The following FGD6 variants were observed in gnomAD, a reference collection of about 807,000 sequenced individuals.
The protein encoded by FGD6 is FYVE, RhoGEF and PH domain containing 6.
FGD6 carries 90 observed loss-of-function variants against 149.4 expected under a neutral mutation model. That is an observed-to-expected ratio of 0.60 (90% CI 0.51 to 0.72). The LOEUF is 0.72. FGD6 is among the 30% of genes least tolerant of loss of function. The probability of loss-of-function intolerance (pLI) is 0.00; values close to 1 mark genes in which losing one functional copy is unlikely to be tolerated. For synonymous variants in FGD6, 527 were observed against 584.0 expected (o/e 0.90, Z 1.41); for missense variants, 1,437 against 1,684.8 (o/e 0.85, Z 2.57).
chr12:95,193,502 T>C (rs1881649046), intron 2 of FGD6, among the ~76,000 whole-genome samples: 2 of 150,804 alleles, frequency 1.3e-5, no homozygotes, highest in African/African-American at 2.4e-5. Context: ...GAATTACAGA[T>C]GCCCACCACC....
At chr12:95,174,744 C>T (rs371834794) in intron 2 of FGD6, among the ~76,000 whole-genome samples, 29 of 151,800 alleles carry the variant, frequency 1.9e-4, no homozygotes, top group Non-Finnish European at 2.8e-4. Context: ...CTGGCTAACA[C>T]GGTGAAACCC....
At chr12:95,171,980 T>C (rs7973285) in intron 3 of FGD6, among the ~76,000 whole-genome samples, 131,405 of 150,062 alleles carry the variant, frequency 0.88, 57,842 homozygotes, top group African/African-American at 0.96. Flanking sequence ...GCATATAATT[T>C]CTTTATTTCA....
At chr12:95,093,652 G>C (rs191918631) in intron 15 of FGD6, among the ~76,000 whole-genome samples, 49 of 149,744 alleles carry the variant, frequency 3.3e-4, no homozygotes, top group Middle Eastern at 3.5e-3. Context: ...CTCTAGCCTG[G>C]GCAATAAGAG....
At chr12:95,110,183 A>G (rs1309051591) in intron 9 of FGD6, among the ~76,000 whole-genome samples, 3 of 151,810 alleles carry the variant, frequency 2.0e-5, no homozygotes, top group Admixed American at 6.6e-5. Context: ...TCACCGTGTT[A>G]GCCAGGATGG....
At chr12:95,160,437 T>C (rs1472886544) in intron 3 of FGD6, among the ~76,000 whole-genome samples, 1 of 152,168 alleles carries the variant, frequency 6.6e-6, no homozygotes, top group Non-Finnish European at 1.5e-5. Flanking sequence ...GTGGGCATGG[T>C]AGCCCCTACT....
intron 19 of FGD6, among the ~76,000 whole-genome samples, chr12:95,085,122 A>G (rs1877815489): frequency 1.3e-5 from 2 of 151,928 alleles, no homozygotes; most frequent in South Asian, 4.2e-4. Flanking sequence ...AGCCTATCTT[A>G]TCTATGCTGC....
chr12:95,144,086 T>C (rs1015369113), intron 5 of FGD6, among the ~76,000 whole-genome samples: 1 of 152,242 alleles, frequency 6.6e-6, no homozygotes, highest in African/African-American at 2.4e-5. Flanking sequence ...TCTGCCACCA[T>C]TGCCAAAAAG....
intron 2 of FGD6, among the ~76,000 whole-genome samples, chr12:95,192,904 TA>T (rs1469155862): frequency 2.6e-5 from 4 of 151,622 alleles, no homozygotes; most frequent in Admixed American, 2.6e-4. Context: ...AGATGGGCAA[TA>T]AGATGATCAG....
At chr12:95,194,121 C>T (rs930086254) in intron 2 of FGD6, among the ~76,000 whole-genome samples, 3 of 151,868 alleles carry the variant, frequency 2.0e-5, no homozygotes, top group Admixed American at 1.3e-4. Flanking sequence ...GATGGAGTCT[C>T]GCCAAGTTGC....
intron 5 of FGD6, among the ~76,000 whole-genome samples, chr12:95,150,547 A>G (rs1422446401): frequency 1.3e-5 from 2 of 152,090 alleles, no homozygotes; most frequent in East Asian, 1.9e-4. Context: ...TTTATTAAAC[A>G]TATTATAATT....
chr12:95,117,979 T>G (rs970286723), intron 8 of FGD6, among the ~76,000 whole-genome samples: 5 of 151,512 alleles, frequency 3.3e-5, no homozygotes, highest in Admixed American at 2.6e-4. Context: ...AGGCAGAGGT[T>G]GCAGTGAGCT....
intron 17 of FGD6, among the ~76,000 whole-genome samples, chr12:95,090,197 A>T (rs1265702718): frequency 6.6e-6 from 1 of 152,132 alleles, no homozygotes; most frequent in Non-Finnish European, 1.5e-5. Context: ...TGCCAGGTTA[A>T]AACAAGCAGG....
rs144766757 is a variant in FGD6 at position 95,150,732 on chromosome 12, C to G, written c.2685+2079G>C. Among the ~76,000 whole-genome samples, 136 of 151,930 alleles carry G rather than the reference C, an allele frequency of 9.0e-4. 2 individuals are homozygous for G. In the East Asian group the frequency reaches 0.025, roughly 28 times the overall value. On this transcript the variant is annotated intron_variant, in intron 5 of 20. Coordinates refer to ENST00000343958, the MANE Select transcript of FGD6 (RefSeq NM_018351.4). ...CAAGGGATTCTTTTGGCTCAGCCTCCTGAATAGGTGGGATTATAAGTGTGT... is the reference window on the plus strand; with the variant it reads ...CAAGGGATTCTTTTGGCTCAGCCTCGTGAATAGGTGGGATTATAAGTGTGT...
intron 3 of FGD6, among the ~76,000 whole-genome samples, chr12:95,169,002 T>A (rs1416635959): frequency 1.1e-4 from 16 of 152,328 alleles, no homozygotes; most frequent in Admixed American, 8.5e-4. Context: ...AGAAAGAGAC[T>A]ATTCTATTAG....
chr12:95,098,867 A>ATT (rs63204961), intron 14 of FGD6, among the ~76,000 whole-genome samples: 7,647 of 126,688 alleles, frequency 0.06, 371 homozygotes, highest in Middle Eastern at 0.078. Context: ...GGCCCTTTTA[A>ATT]TTTTTTTTTT....
At chr12:95,217,106 C>G (rs1486633056) in intron 1 of FGD6, 119 bp downstream of exon 1, 21 of 1,489,468 alleles carry the variant, frequency 1.4e-5, no homozygotes, top group Non-Finnish European at 1.9e-5. Flanking sequence ...TGCCGAGGTG[C>G]TCGGCAAAGG....
At chr12:95,194,847 G>A (rs1205937214) in intron 2 of FGD6, among the ~76,000 whole-genome samples, 1 of 152,178 alleles carries the variant, frequency 6.6e-6, no homozygotes, top group Non-Finnish European at 1.5e-5. Flanking sequence ...ACTAGCTGAA[G>A]CAGACTAGTT....
intron 3 of FGD6, among the ~76,000 whole-genome samples, chr12:95,155,842 C>G (rs560017240): frequency 6.0e-4 from 92 of 152,274 alleles, no homozygotes; most frequent in African/African-American, 2.1e-3. Flanking sequence ...GAAGCCATGG[C>G]AGAAGAACAT....
intron 9 of FGD6, among the ~76,000 whole-genome samples, chr12:95,110,099 C>A (rs1174015368): frequency 6.6e-6 from 1 of 151,964 alleles, no homozygotes. Flanking sequence ...GCCTCAGCCT[C>A]CCAAGTAGCT....
Sources: gnomAD v4.1 joint callset for allele counts (sites outside exome capture counted in the v4.1 genomes callset) on GRCh38, gnomAD v4.1.1 for gene constraint, MANE v1.5 for transcripts, NCBI Gene and HGNC (gene_info 2026-07-23, HGNC 2026-07-21) for gene names.